LIMCH1: variants seen among roughly 807,000 people sequenced by gnomAD.
LIMCH1 encodes LIM and calponin homology domains-containing protein 1.
In LIMCH1, 113 loss-of-function variants were observed where a neutral mutation model predicts 176.5. That is an observed-to-expected ratio of 0.64 (90% CI 0.55 to 0.75). LIMCH1 has a LOEUF of 0.75. Ranked by LOEUF, LIMCH1 falls within the 30% of genes least tolerant of loss-of-function variation. LIMCH1 has a pLI of 0.00. For synonymous variants in LIMCH1, 619 were observed against 645.9 expected (o/e 0.96, Z 0.63); for missense variants, 1,674 against 1,814.9 (o/e 0.92, Z 1.41).
intron 1 of LIMCH1, among the ~76,000 whole-genome samples, chr4:41,490,566 G>A: frequency 6.6e-6 from 1 of 152,170 alleles, no homozygotes; most frequent in Non-Finnish European, 1.5e-5. Context: ...AGTTGACACA[G>A]CACATGTTTC....
chr4:41,425,101 CT>C (rs774891468), intron 1 of LIMCH1, among the ~76,000 whole-genome samples: 3 of 152,136 alleles, frequency 2.0e-5, no homozygotes, highest in Non-Finnish European at 4.4e-5. Context: ...GGGGTTTGGC[CT>C]GATACAAATT....
In LIMCH1 at chr4:41,605,885, G is replaced by C; in HGVS notation, c.-102-9G>C. The C allele has an allele frequency of 6.3e-7, 1 of 1,589,660 alleles. No homozygotes were observed. Among genetic ancestry groups the C allele is most frequent in the Non-Finnish European group, 8.6e-7 (1 of 1,158,328 alleles). ...GGAAAAATCTGCTCTTGTGCGTTTTGTTCCACAGGTATTAGTTACCATTTA... is the reference window on the plus strand; with the variant it reads ...GGAAAAATCTGCTCTTGTGCGTTTTCTTCCACAGGTATTAGTTACCATTTA... On this transcript the variant is annotated splice_polypyrimidine_tract_variant and intron_variant, in intron 3 of 31. Coordinates refer to ENST00000503057, the MANE Select transcript of LIMCH1 (RefSeq NM_001330672.2).
intron 28 of LIMCH1, 128 bp from the exon 29 acceptor site, chr4:41,687,712 G>A (rs1261698445): frequency 1.8e-6 from 1 of 567,308 alleles, no homozygotes; most frequent in African/African-American, 1.9e-5. Flanking sequence ...AGGAAATGCT[G>A]TGGTCTTTGA....
Position 41,633,595 on chromosome 4 carries a change from A to T in LIMCH1, c.1877A>T (p.Lys626Met), listed in dbSNP as rs2152878080. The change falls in exon 13 of 32, where the codon AAG becomes ATG. Residue 626 changes from lysine (K) to methionine (M), a missense_variant. By Grantham distance (95) the Lys-to-Met change is moderately conservative. Transcript: ENST00000503057. ...SECEASGTEE[K>M]LEKMTAPAWS... is the part of the protein sequence containing the mutation. The stretch of plus-strand genomic sequence containing the variant: ...TGTGAGGCTTCAGGGACAGAAGAGA[A>T]GTTGGAGAAGATGACAGCTCCTGCC... The T allele has an allele frequency of 1.3e-6, 2 of 1,536,168 alleles. No homozygotes were observed. The highest frequency in any genetic ancestry group is 1.7e-6 in the Non-Finnish European group (2 of 1,146,932).
intron 1 of LIMCH1, among the ~76,000 whole-genome samples, chr4:41,570,657 G>C (rs894373296): frequency 1.3e-5 from 2 of 152,180 alleles, no homozygotes; most frequent in African/African-American, 4.8e-5. Flanking sequence ...GCAAAGAAAT[G>C]TTTAGTAGGT....
chr4:41,521,898 GATGAATACC>G (rs2076159375), intron 2 of LIMCH1, among the ~76,000 whole-genome samples: 1 of 151,922 alleles, frequency 6.6e-6, no homozygotes. Context: ...TTTTACAAAG[GATGAATACC>G]ATGAAATATT....
chr4:41,362,418 G>T (rs1456125735), intron 1 of LIMCH1, among the ~76,000 whole-genome samples: 4 of 152,284 alleles, frequency 2.6e-5, no homozygotes. Context: ...ATGCTCCCAG[G>T]ATACACAGGA....
intron 21 of LIMCH1, among the ~76,000 whole-genome samples, chr4:41,667,107 A>T (rs919224145): frequency 1.3e-5 from 2 of 152,282 alleles, no homozygotes; most frequent in African/African-American, 2.4e-5. Flanking sequence ...ACAAAAAAAA[A>T]AAATTTGTAT....
chr4:41,397,865 G>A (rs905414669), intron 1 of LIMCH1, among the ~76,000 whole-genome samples: 2 of 151,166 alleles, frequency 1.3e-5, no homozygotes, highest in African/African-American at 4.9e-5. Context: ...TCTTAGATGC[G>A]TAGAGTTTAT....
At chr4:41,489,880 C>A (rs1365917970) in intron 1 of LIMCH1, among the ~76,000 whole-genome samples, 1 of 151,826 alleles carries the variant, frequency 6.6e-6, no homozygotes, top group Non-Finnish European at 1.5e-5. Flanking sequence ...TGATCAGAAG[C>A]CTTATCAATA....
chr4:41,470,664 T>C (rs2066817160), intron 1 of LIMCH1, among the ~76,000 whole-genome samples: 1 of 152,198 alleles, frequency 6.6e-6, no homozygotes, highest in South Asian at 2.1e-4. Flanking sequence ...AGTTCTCATC[T>C]TACACAACCC....
intron 2 of LIMCH1, among the ~76,000 whole-genome samples, chr4:41,499,973 A>G (rs1319138031): frequency 6.6e-6 from 1 of 152,206 alleles, no homozygotes; most frequent in Non-Finnish European, 1.5e-5. Context: ...GCTATTTTGT[A>G]GAATATATCT....
At chr4:41,384,714 G>A (rs2056245349) in intron 1 of LIMCH1, among the ~76,000 whole-genome samples, 1 of 152,144 alleles carries the variant, frequency 6.6e-6, no homozygotes. Flanking sequence ...AATATGCAAG[G>A]GAGAAGATGC....
chr4:41,477,551 G>A (rs1359624959), intron 1 of LIMCH1, among the ~76,000 whole-genome samples: 1 of 152,138 alleles, frequency 6.6e-6, no homozygotes. Context: ...AGTAGAAGAG[G>A]GTTCAGAAGA....
chr4:41,545,854 A>T (rs2079301675), intron 1 of LIMCH1, among the ~76,000 whole-genome samples: 1 of 152,186 alleles, frequency 6.6e-6, no homozygotes, highest in South Asian at 2.1e-4. Context: ...TTCGTTTCAT[A>T]CTTACTTGGC....
intron 3 of LIMCH1, among the ~76,000 whole-genome samples, chr4:41,605,202 C>CAT (rs1344817856): frequency 6.6e-6 from 1 of 152,148 alleles, no homozygotes; most frequent in African/African-American, 2.4e-5. Flanking sequence ...ATTGAATACT[C>CAT]ATAGACATTC....
chr4:41,546,194 A>G (rs1250405532), intron 1 of LIMCH1, among the ~76,000 whole-genome samples: 3 of 152,050 alleles, frequency 2.0e-5, no homozygotes, highest in Non-Finnish European at 2.9e-5. Context: ...GCTGGAGTGC[A>G]GTGGTGTGAT....
chr4:41,633,843 T>C (rs2093448836), intron 13 of LIMCH1, 35 bp downstream of exon 13: 1 of 1,526,520 alleles, frequency 6.6e-7, no homozygotes, highest in African/African-American at 1.4e-5. Flanking sequence ...GTGACTTTGT[T>C]TCTCCAGTCT....
rs1290118667 is a variant in LIMCH1 at position 41,620,417 on chromosome 4, T to A, written c.459-7T>A. On this transcript the variant is annotated splice_polypyrimidine_tract_variant and splice_region_variant and intron_variant, in intron 6 of 31. Transcript: ENST00000503057. ...AGTTTGGTAAACCATATTGTCCAAC[T>A]CACTAGCTTTCCTGAAACGATAGAG... 1.3e-6 allele frequency: 2 copies of A among 1,535,198 alleles called. No individual in the cohort carries two copies. The highest frequency in any genetic ancestry group is 1.7e-6 in the Non-Finnish European group (2 of 1,146,462).
Sources: gnomAD v4.1 joint callset for allele counts (sites outside exome capture counted in the v4.1 genomes callset) on GRCh38, gnomAD v4.1.1 for gene constraint, MANE v1.5 for transcripts, NCBI Gene and HGNC (gene_info 2026-07-23, HGNC 2026-07-21) for gene names.